GLS: variants seen among roughly 807,000 people sequenced by gnomAD.
GLS encodes glutaminase kidney isoform, mitochondrial.
A neutral mutation model predicts 86.7 loss-of-function variants in GLS; 36 were observed. The ratio of observed to expected loss-of-function variants is 0.42; its 90% CI spans 0.32 to 0.55. GLS has a LOEUF of 0.55. GLS is among the 20% of genes least tolerant of loss of function. The pLI is 0.17. For missense variants in GLS, 528 were observed against 833.4 expected (o/e 0.63, Z 4.51); for synonymous variants, 317 against 305.9 (o/e 1.04, Z -0.38).
At chr2:190,902,493 T>G (rs1574574842) in intron 5 of GLS, among the ~76,000 whole-genome samples, 1 of 152,126 alleles carries the variant, frequency 6.6e-6, no homozygotes, top group Non-Finnish European at 1.5e-5. Flanking sequence ...GCAAAACATG[T>G]AGGATTTCAT....
chr2:190,881,036 C>G lies in GLS; in HGVS notation c.-49C>G. The stretch of plus-strand genomic sequence containing the variant: ...GTTCCCCGAGGAAACCGGCCGCCCA[C>G]GCCCGGAGCATCCTCCCCTGTTGAG... On this transcript the variant is annotated 5_prime_UTR_variant, in exon 1 of 18. Coordinates refer to ENST00000320717, the MANE Select transcript of GLS (RefSeq NM_014905.5). 9.2e-6 allele frequency: 14 copies of G among 1,522,538 alleles called. No individual in the cohort carries two copies. Among genetic ancestry groups the G allele is most frequent in the Non-Finnish European group, 1.2e-5 (14 of 1,139,204 alleles). 94.3% of individuals were successfully genotyped at this position (1,522,538 alleles called of 1,614,324 possible). A position where few individuals can be genotyped will look rare whatever the true frequency, so the allele number is the denominator to read the frequency against.
intron 7 of GLS, chr2:190,919,710 C>A: frequency 5.4e-6 from 4 of 743,724 alleles, no homozygotes; most frequent in Non-Finnish European, 6.6e-6. Flanking sequence ...TTTCATTGAA[C>A]AGCTTTGGAG....
At chr2:190,902,770 G>A (rs1331438470) in intron 5 of GLS, among the ~76,000 whole-genome samples, 3 of 152,016 alleles carry the variant, frequency 2.0e-5, no homozygotes, top group East Asian at 1.9e-4. Flanking sequence ...AGAAAATTAC[G>A]CCAAAGAGAA....
At chr2:190,929,473 A>G (rs568942082) in intron 12 of GLS, among the ~76,000 whole-genome samples, 7 of 147,408 alleles carry the variant, frequency 4.7e-5, no homozygotes, top group Non-Finnish European at 8.9e-5. Flanking sequence ...ACTGTTTCAT[A>G]ATTTTTTTTT....
chr2:190,923,445 C>G (rs929437723), intron 9 of GLS, among the ~76,000 whole-genome samples: 1 of 152,166 alleles, frequency 6.6e-6, no homozygotes, highest in Non-Finnish European at 1.5e-5. Context: ...AGTGCCTAGG[C>G]CTCACCCTGA....
At chr2:190,940,883 T>C (rs1464453220) in intron 14 of GLS, among the ~76,000 whole-genome samples, 3 of 152,126 alleles carry the variant, frequency 2.0e-5, no homozygotes, top group South Asian at 2.1e-4. Context: ...AATTATTTTC[T>C]TTTGGTCTTT....
In GLS at chr2:190,954,386, C is replaced by G. The variant is rs1024312557; in HGVS notation, c.1713-198C>G. Among the ~76,000 whole-genome samples the G allele has an allele frequency of 6.6e-6, 1 of 152,064 alleles. No individual in the cohort carries two copies. The highest frequency in any genetic ancestry group is 1.5e-5 in the Non-Finnish European group (1 of 68,014). ...ACATTTAATCTTACCTAAAAAAAAG[C>G]AAAGCTGAGGAAGAGAGGTGAAGTG... On this transcript the variant is annotated intron_variant, in intron 15 of 17. Coordinates refer to ENST00000320717, the MANE Select transcript of GLS (RefSeq NM_014905.5). The surrounding 1 kb of genome is among the most constrained non-coding windows in gnomAD (Gnocchi z 4.0).
chr2:190,941,207 A>T (rs1057271620), intron 14 of GLS, among the ~76,000 whole-genome samples: 1 of 152,206 alleles, frequency 6.6e-6, no homozygotes, highest in Non-Finnish European at 1.5e-5. Context: ...GGATACAGGT[A>T]CTGAATAAAT....
chr2:190,902,369 C>T (rs1203768509), intron 5 of GLS, among the ~76,000 whole-genome samples: 1 of 152,122 alleles, frequency 6.6e-6, no homozygotes. Flanking sequence ...CCCTATTTCT[C>T]AACTTAACAT....
chr2:190,881,534 G>A, intron 1 of GLS, 64 bp downstream of exon 1: 5 of 1,430,416 alleles, frequency 3.5e-6, no homozygotes, highest in Non-Finnish European at 3.8e-6. Flanking sequence ...AGGCTGTGTG[G>A]GGCCCTGCGG....
Position 190,881,111 on chromosome 2 carries a change from G to A in GLS, c.27G>A (p.Met9Ile), listed in dbSNP as rs778698544. MMRLRGSG[M>I]LRDLLLRSPA... ...TGATGCGGCTGCGAGGCTCGGGGATGCTGCGGGACCTGCTCCTGCGGTCGC... is the reference window on the plus strand; with the variant it reads ...TGATGCGGCTGCGAGGCTCGGGGATACTGCGGGACCTGCTCCTGCGGTCGC... Residue 9 changes from methionine to isoleucine, a missense_variant, in exon 1 of 18, where the codon ATG becomes ATA. Around this residue, in one of 4 missense-constraint regions of GLS, gnomAD observed 224 missense variants for 187.9 expected, o/e 1.19. Coordinates refer to ENST00000320717, the MANE Select transcript of GLS (RefSeq NM_014905.5). The A allele has an allele frequency of 1.3e-6, 2 of 1,562,476 alleles. No individual in the cohort carries two copies. Among genetic ancestry groups the A allele is most frequent in the Admixed American group, 1.8e-5 (1 of 54,580 alleles).
At chr2:190,934,965 CT>C in intron 14 of GLS, 2 of 968,090 alleles carry the variant, frequency 2.1e-6, no homozygotes, top group African/African-American at 1.8e-5. Flanking sequence ...TTCTTAACAC[CT>C]TTTTAAACAA....
intron 1 of GLS, among the ~76,000 whole-genome samples, chr2:190,894,633 G>A (rs1688668561): frequency 6.6e-6 from 1 of 152,192 alleles, no homozygotes; most frequent in South Asian, 2.1e-4. Context: ...CACAACTATA[G>A]TATTACAGCC....
At chr2:190,901,045 A>G (rs1688923132) in intron 4 of GLS, among the ~76,000 whole-genome samples, 1 of 152,116 alleles carries the variant, frequency 6.6e-6, no homozygotes. Context: ...AAATAATACT[A>G]GGAACTATTT....
rs1376812264 is a variant in GLS at position 190,938,462 on chromosome 2, A to G, written c.1650+6825A>G. On this transcript the variant is annotated intron_variant, in intron 14 of 17. Transcript: ENST00000320717. The surrounding 1 kb of genome is among the most constrained non-coding windows in gnomAD (Gnocchi z 4.1). Reference sequence around the variant, plus strand: ...TCTTTTGTTTTTAAAACATAGTCCAACCTTTCTAGAATTTTGATGTACTTT... The same window carrying G: ...TCTTTTGTTTTTAAAACATAGTCCAGCCTTTCTAGAATTTTGATGTACTTT... Among the ~76,000 whole-genome samples the G allele has an allele frequency of 1.3e-5, 2 of 151,564 alleles. No homozygotes were observed. The highest frequency in any genetic ancestry group is 3.0e-5 in the Non-Finnish European group (2 of 67,562).
chr2:190,910,357 C>CTTT, intron 7 of GLS, 36 bp downstream of exon 7: 2 of 972,608 alleles, frequency 2.1e-6, no homozygotes, highest in South Asian at 1.7e-5. Flanking sequence ...CCTAGTAAAA[C>CTTT]TTTTTTTTTT....
chr2:190,923,221 A>T (rs1689802660), intron 9 of GLS, among the ~76,000 whole-genome samples: 1 of 152,144 alleles, frequency 6.6e-6, no homozygotes, highest in Non-Finnish European at 1.5e-5. Context: ...CTTCTTTGTA[A>T]GCCCTCAGGC....
intron 14 of GLS, among the ~76,000 whole-genome samples, chr2:190,948,801 GAAT>G (rs1443673213): frequency 6.6e-6 from 1 of 152,166 alleles, no homozygotes; most frequent in African/African-American, 2.4e-5. Context: ...GAATGGGTAA[GAAT>G]AACATATCAG....
rs1445210574 is a variant in GLS at position 190,881,326 on chromosome 2, A to G, written c.242A>G (p.Gln81Arg). 2 of 1,523,172 alleles carry G rather than the reference A, an allele frequency of 1.3e-6. No individual in the cohort carries two copies. The highest frequency in any genetic ancestry group is 1.8e-6 in the Non-Finnish European group (2 of 1,135,588). The allele number at this position is 1,523,172 out of a possible 1,614,324, so 94.4% of individuals were successfully genotyped here. A position where few individuals can be genotyped will look rare whatever the true frequency, so the allele number is the denominator to read the frequency against. The change falls in exon 1 of 18, where the codon CAG (glutamine) becomes CGG (arginine). Residue 81 changes from glutamine to arginine, a missense_variant. Transcript: ENST00000320717. ...TCCAGCTCTCCTTCGGAGATCTTGC[A>G]GGAGCTGGGCAAGGGGAGCACGCAT... is the stretch of plus-strand genomic sequence containing the variant. ...GLSSSPSEIL[Q>R]ELGKGSTHPQ...
Sources: gnomAD v4.1 joint callset for allele counts (sites outside exome capture counted in the v4.1 genomes callset) on GRCh38, gnomAD v4.1.1 for gene constraint, gnomAD v4.1.1 regional missense constraint, Gnocchi (gnomAD v3.1) non-coding constraint, MANE v1.5 for transcripts, NCBI Gene and HGNC (gene_info 2026-07-23, HGNC 2026-07-21) for gene names.